Variants in RUSC2 observed in about 807,000 individuals in gnomAD.
The protein encoded by RUSC2 is AP-4 complex accessory subunit RUSC2.
Under a neutral mutation model 122.2 loss-of-function variants are expected in RUSC2, and 34 were observed. That is an observed-to-expected ratio of 0.28 (90% CI 0.21 to 0.37). The LOEUF (loss-of-function observed/expected upper bound fraction) is 0.37. Ranked by LOEUF, RUSC2 falls within the 10% of genes least tolerant of loss-of-function variation. The pLI is 1.00. For missense variants in RUSC2, 1,747 were observed against 1,952.4 expected (o/e 0.89, Z 1.98); for synonymous variants, 784 against 790.0 (o/e 0.99, Z 0.13).
chr9:35,513,938 ATT>A (rs1821057784), intron 1 of RUSC2, among the ~76,000 whole-genome samples: 4 of 135,954 alleles, frequency 2.9e-5, no homozygotes, highest in South Asian at 2.4e-4. Context: ...ATATATATAT[ATT>A]ACTTTATGTG....
intron 1 of RUSC2, among the ~76,000 whole-genome samples, chr9:35,523,692 G>A (rs911954971): frequency 6.6e-6 from 1 of 151,886 alleles, no homozygotes; most frequent in South Asian, 2.1e-4. Context: ...GTGCATGCCT[G>A]TAGTCCCAGC....
chr9:35,558,247 G>A lies in RUSC2; in HGVS notation c.3111G>A (p.Leu1037=). The change falls in exon 7 of 12, where the codon CTG becomes CTA. Residue 1037 remains leucine, a synonymous_variant. Coordinates refer to ENST00000361226, the MANE Select transcript of RUSC2 (RefSeq NM_014806.5). The surrounding 1 kb of genome is among the most constrained non-coding windows in gnomAD (Gnocchi z 4.3). ...SVSPNVGHLV[L]KYLCPAVRAV... is the part of the protein sequence containing the mutation. The stretch of plus-strand genomic sequence containing the variant: ...GCCCCAATGTGGGCCACCTGGTTCT[G>A]AAGTACTTGTGCCCTGCCGTCCGCG... The A allele has an allele frequency of 6.2e-7, 1 of 1,614,130 alleles. No homozygotes were observed. The highest frequency in any genetic ancestry group is 8.5e-7 in the Non-Finnish European group (1 of 1,180,046).
Position 35,561,458 on chromosome 9 carries a change from T to C in RUSC2, c.*76T>C, listed in dbSNP as rs2131710517. The C allele has an allele frequency of 7.9e-7, 1 of 1,263,530 alleles. No homozygotes were observed. The highest frequency in any genetic ancestry group is 1.1e-6 in the Non-Finnish European group (1 of 901,584). 78.3% of individuals were successfully genotyped at this position (1,263,530 alleles called of 1,614,324 possible). A position where few individuals can be genotyped will look rare whatever the true frequency, so the allele number is the denominator to read the frequency against. ...GAGCCCGAGAGCCCTTCCCAAGCCATTGGCTTGGCTGCAGAGTAGACTGAG... is the reference window on the plus strand; with the variant it reads ...GAGCCCGAGAGCCCTTCCCAAGCCACTGGCTTGGCTGCAGAGTAGACTGAG... On this transcript the variant is annotated 3_prime_UTR_variant, in exon 12 of 12. Coordinates refer to ENST00000361226, the MANE Select transcript of RUSC2 (RefSeq NM_014806.5).
chr9:35,553,232 A>G (rs1231837082), intron 2 of RUSC2, among the ~76,000 whole-genome samples: 1 of 152,182 alleles, frequency 6.6e-6, no homozygotes, highest in Middle Eastern at 3.2e-3. Context: ...ATTAGACTTT[A>G]TTCTGGGAGA....
Position 35,546,525 on chromosome 9 carries a change from G to A in RUSC2, c.4G>A (p.Asp2Asn). 2 of 1,442,816 alleles carry A rather than the reference G, an allele frequency of 1.4e-6. No individual in the cohort carries two copies. Among genetic ancestry groups the A allele is most frequent in the Non-Finnish European group, 1.8e-6 (2 of 1,095,206 alleles). The allele number at this position is 1,442,816 out of a possible 1,614,324, so 89.4% of individuals were successfully genotyped here. ...GCCCTTATTCGAACTTTCCAGAATG[G>A]ATAGTCCCCCAAAGCTGACTGGAGA... M[D>N]SPPKLTGETL... Residue 2 changes from aspartate (D) to asparagine (N), a missense_variant, in exon 2 of 12, where the codon GAT (aspartate) becomes AAT (asparagine). Transcript: ENST00000361226. The surrounding 1 kb of genome is among the most constrained non-coding windows in gnomAD (Gnocchi z 4.3).
chr9:35,515,741 A>G (rs986198117), intron 1 of RUSC2, among the ~76,000 whole-genome samples: 3 of 152,076 alleles, frequency 2.0e-5, no homozygotes, highest in Admixed American at 6.6e-5. Context: ...GTTCACACCT[A>G]TAATTCCGAC....
chr9:35,492,071 G>A (rs1039470078), intron 1 of RUSC2, among the ~76,000 whole-genome samples: 4 of 152,046 alleles, frequency 2.6e-5, no homozygotes, highest in African/African-American at 9.7e-5. Flanking sequence ...TCTTTTTAAT[G>A]GCCTTTTCTA....
intron 1 of RUSC2, among the ~76,000 whole-genome samples, chr9:35,532,083 A>G (rs1264358125): frequency 6.6e-6 from 1 of 152,200 alleles, no homozygotes; most frequent in South Asian, 2.1e-4. Context: ...AAGACTCAGC[A>G]TGACTTGGTA....
Position 35,560,093 on chromosome 9 carries a change from C to G in RUSC2, c.3453C>G (p.Gly1151=). ...FLSAAHTVCP[G]LFEELLLLLQ... ...GTGCAGCTCATACCGTGTGTCCCGG[C>G]CTCTTTGAAGAGCTGCTGCTGCTGC... The change falls in exon 10 of 12, where the codon GGC becomes GGG. Residue 1151 remains glycine (G), a synonymous_variant. Transcript: ENST00000361226. 6.2e-7 allele frequency: 1 copy of G among 1,613,786 alleles called. No homozygotes were observed. The highest frequency in any genetic ancestry group is 8.5e-7 in the Non-Finnish European group (1 of 1,179,972).
intron 8 of RUSC2, 142 bp from the exon 9 acceptor site, chr9:35,559,084 T>C: frequency 5.5e-6 from 4 of 729,520 alleles, no homozygotes; most frequent in South Asian, 4.7e-5. Flanking sequence ...ACATCCCCAC[T>C]GACTTTCTGG....
Position 35,557,854 on chromosome 9 carries a change from C to A in RUSC2, c.2984-60C>A. 1 of 1,451,276 alleles carries A rather than the reference C, an allele frequency of 6.9e-7. No individual in the cohort carries two copies. Among genetic ancestry groups the A allele is most frequent in the Non-Finnish European group, 9.7e-7 (1 of 1,031,608 alleles). The allele number at this position is 1,451,276 out of a possible 1,614,324, so 89.9% of individuals were successfully genotyped here. On this transcript the variant is annotated intron_variant, in intron 5 of 11. Coordinates refer to ENST00000361226, the MANE Select transcript of RUSC2 (RefSeq NM_014806.5). The surrounding 1 kb of genome is among the most constrained non-coding windows in gnomAD (Gnocchi z 4.6). ...CCCTGAGGAAACCTGAGGTTTCAGCCCCAGCTGAGTTGGTTAAGGACTTGC... is the reference window on the plus strand; with the variant it reads ...CCCTGAGGAAACCTGAGGTTTCAGCACCAGCTGAGTTGGTTAAGGACTTGC...
chr9:35,531,839 C>T (rs1232301572), intron 1 of RUSC2, among the ~76,000 whole-genome samples: 1 of 152,132 alleles, frequency 6.6e-6, no homozygotes, highest in African/African-American at 2.4e-5. Context: ...TCCTGGCTAA[C>T]ACAGTGAAAC....
At chr9:35,522,796 G>T (rs1821241725) in intron 1 of RUSC2, among the ~76,000 whole-genome samples, 3 of 152,248 alleles carry the variant, frequency 2.0e-5, no homozygotes, top group African/African-American at 7.2e-5. Flanking sequence ...CAATCATGCA[G>T]TCTGAGGTGA....
chr9:35,561,373 C>A lies in RUSC2; in HGVS notation c.4542C>A (p.Ser1514Arg). The A allele has an allele frequency of 6.2e-7, 1 of 1,611,022 alleles. No homozygotes were observed. Among genetic ancestry groups the A allele is most frequent in the Non-Finnish European group, 8.5e-7 (1 of 1,178,466 alleles). The change falls in exon 12 of 12, where the codon AGC becomes AGA. Residue 1514 changes from serine to arginine, a missense_variant. Ser to Arg is a moderately radical substitution (Grantham distance 110, BLOSUM62 -1). Coordinates refer to ENST00000361226, the MANE Select transcript of RUSC2 (RefSeq NM_014806.5). The stretch of plus-strand genomic sequence containing the variant: ...CTCCAAGTCCAACCCCTGGAAGCAG[C>A]CAAAACTGAGGCCCTGTGCATGCTG... ...TPTPSPTPGS[S>R]QN
intron 1 of RUSC2, among the ~76,000 whole-genome samples, chr9:35,503,820 G>A (rs1820863590): frequency 6.6e-6 from 1 of 152,018 alleles, no homozygotes; most frequent in Non-Finnish European, 1.5e-5. Flanking sequence ...TGTCATCCAG[G>A]CTGGAGTGTA....
chr9:35,532,019 C>G (rs1821430251), intron 1 of RUSC2, among the ~76,000 whole-genome samples: 1 of 152,156 alleles, frequency 6.6e-6, no homozygotes, highest in Non-Finnish European at 1.5e-5. Context: ...GAGCAAGACT[C>G]TGTCTAAAAA....
At chr9:35,545,709 C>A (rs1188089593) in intron 1 of RUSC2, among the ~76,000 whole-genome samples, 1 of 152,080 alleles carries the variant, frequency 6.6e-6, no homozygotes, top group Non-Finnish European at 1.5e-5. Context: ...AACTAGGTCC[C>A]CCCACCCCCA....
chr9:35,526,919 A>C (rs1396137501), intron 1 of RUSC2, among the ~76,000 whole-genome samples: 1 of 152,188 alleles, frequency 6.6e-6, no homozygotes, highest in Admixed American at 6.5e-5. Flanking sequence ...ATCTGTCATT[A>C]TCTCTTCAAA....
intron 1 of RUSC2, among the ~76,000 whole-genome samples, chr9:35,495,818 C>A (rs10814246): frequency 6.6e-6 from 1 of 151,910 alleles, no homozygotes; most frequent in African/African-American, 2.4e-5. Flanking sequence ...GATGTTTTTT[C>A]ATTTATTTAT....
Sources: allele counts gnomAD v4.1 joint callset (sites outside exome capture counted in the v4.1 genomes callset), GRCh38; gene constraint gnomAD v4.1.1; non-coding constraint Gnocchi (gnomAD v3.1); transcripts MANE v1.5; gene names NCBI Gene and HGNC (gene_info 2026-07-23, HGNC 2026-07-21).